DNTT: variants seen among roughly 807,000 people sequenced by gnomAD.
DNTT encodes the protein nucleosidetriphosphate:DNA deoxynucleotidylexotransferase.
DNTT carries 47 observed loss-of-function variants against 60.9 expected under a neutral mutation model. The ratio of observed to expected loss-of-function variants is 0.77; its 90% CI spans 0.61 to 0.98. The LOEUF (loss-of-function observed/expected upper bound fraction) is 0.98. Among genes scored for constraint, DNTT ranks in the 50% least tolerant of loss-of-function variants. The pLI is 0.00. For missense variants in DNTT, 665 were observed against 627.5 expected, an observed-to-expected ratio of 1.06 and a Z score of -0.64; for synonymous variants, 224 against 221.2, an observed-to-expected ratio of 1.01 and a Z score of -0.11.
intron 1 of DNTT, among the ~76,000 whole-genome samples, chr10:96,305,090 A>G (rs1001387609): frequency 2.0e-5 from 3 of 152,192 alleles, no homozygotes; most frequent in African/African-American, 7.2e-5. Context: ...ATGCAGAAAG[A>G]TGATTTGGTT....
At chr10:96,337,992 G>T in intron 10 of DNTT, 146 bp from the exon 11 acceptor site, 1 of 609,510 alleles carries the variant, frequency 1.6e-6, no homozygotes, top group Non-Finnish European at 2.7e-6. Flanking sequence ...CAGTTAAAAT[G>T]ACTTTTTATA....
chr10:96,330,286 A>T (rs1923708), intron 8 of DNTT, among the ~76,000 whole-genome samples: 110,291 of 150,592 alleles, frequency 0.73, 43,891 homozygotes, highest in East Asian at 0.92. Context: ...ACCAAGTGAC[A>T]GTTTACTGTT....
At chr10:96,327,858 G>A (rs79027568) in intron 7 of DNTT, among the ~76,000 whole-genome samples, 1,953 of 152,252 alleles carry the variant, frequency 0.013, 30 homozygotes, top group South Asian at 0.067. Flanking sequence ...ATTGTCGCTT[G>A]GCTGACTTCC....
At chr10:96,309,618 C>T (rs1039724742) in intron 1 of DNTT, among the ~76,000 whole-genome samples, 2 of 152,092 alleles carry the variant, frequency 1.3e-5, no homozygotes, top group African/African-American at 4.8e-5. Flanking sequence ...ACTCATTATC[C>T]CAAAACCATC....
chr10:96,319,197 T>C (rs892973513), intron 2 of DNTT, 65 bp from the exon 3 acceptor site: 19 of 1,538,802 alleles, frequency 1.2e-5, no homozygotes, highest in Non-Finnish European at 1.6e-5. Flanking sequence ...TTCCAAATTT[T>C]TTCCGTACAT....
intron 9 of DNTT, among the ~76,000 whole-genome samples, chr10:96,333,819 C>T (rs1046882942): frequency 6.6e-6 from 1 of 152,068 alleles, no homozygotes; most frequent in African/African-American, 2.4e-5. Flanking sequence ...TTAGCAGAGG[C>T]TGGGGGATGA....
At chr10:96,329,921 C>T (rs999221680) in intron 8 of DNTT, among the ~76,000 whole-genome samples, 2 of 152,132 alleles carry the variant, frequency 1.3e-5, no homozygotes, top group Non-Finnish European at 2.9e-5. Flanking sequence ...TGAGAACTGG[C>T]CGCTCTGTAC....
intron 6 of DNTT, among the ~76,000 whole-genome samples, chr10:96,327,014 T>C (rs532196818): frequency 6.6e-6 from 1 of 152,334 alleles, no homozygotes; most frequent in South Asian, 2.1e-4. Context: ...CCTAAGATAT[T>C]TCCTGCCTTG....
chr10:96,316,104 C>A (rs967827579), intron 1 of DNTT, among the ~76,000 whole-genome samples: 5 of 152,174 alleles, frequency 3.3e-5, no homozygotes, highest in African/African-American at 1.2e-4. Context: ...TCAAATGCGG[C>A]ATGCCTGAAA....
Position 96,320,825 on chromosome 10 carries a change from G to T in DNTT, c.678+37G>T, listed in dbSNP as rs778016339. 3.1e-6 allele frequency: 5 copies of T among 1,609,098 alleles called. No homozygotes were observed. In the African/African-American group the frequency reaches 4.0e-5, roughly 13 times the overall value. ...ATGGGATTTGTCCCACTTCCCAATA[G>T]GTAGGTGGGAACGGGGGAGAGAGGG... On this transcript the variant is annotated intron_variant, in intron 4 of 10. Coordinates refer to ENST00000371174, the MANE Select transcript of DNTT (RefSeq NM_004088.4).
chr10:96,337,176 C>T (rs1378274567), intron 10 of DNTT, among the ~76,000 whole-genome samples: 1 of 152,160 alleles, frequency 6.6e-6, no homozygotes, highest in Non-Finnish European at 1.5e-5. Context: ...CAGGTTTCCC[C>T]ATAAGTCCCA....
At chr10:96,312,999 C>T (rs536565543) in intron 1 of DNTT, among the ~76,000 whole-genome samples, 1 of 152,282 alleles carries the variant, frequency 6.6e-6, no homozygotes, top group South Asian at 2.1e-4. Context: ...TGTCCCTGCT[C>T]TCAGGGACAC....
rs746323407 is a variant in DNTT, at chr10:96,324,294, T to C, written c.779T>C (p.Leu260Pro). The stretch of plus-strand genomic sequence containing the variant: ...TTTACTTCTGTATTTGGAGTGGGGC[T>C]GAAGACTTCTGAGAAGTGGTTCAGG... ...KLFTSVFGVG[L>P]KTSEKWFRMG... is the part of the protein sequence containing the mutation. Residue 260 changes from leucine (L) to proline (P), a missense_variant, in exon 6 of 11, where the codon CTG becomes CCG. Transcript: ENST00000371174. The C allele has an allele frequency of 5.0e-6, 8 of 1,613,830 alleles. No homozygotes were observed. Among genetic ancestry groups the C allele is most frequent in the Non-Finnish European group, 6.8e-6 (8 of 1,179,762 alleles).
chr10:96,335,434 G>A (rs1845055692), intron 9 of DNTT, among the ~76,000 whole-genome samples: 2 of 152,196 alleles, frequency 1.3e-5, no homozygotes, highest in Non-Finnish European at 2.9e-5. Context: ...GACTTGACAG[G>A]AGATGCACAG....
intron 2 of DNTT, 76 bp downstream of exon 2, chr10:96,318,602 G>T (rs1844821704): frequency 1.5e-5 from 23 of 1,523,092 alleles, no homozygotes; most frequent in Admixed American, 6.1e-5. Flanking sequence ...AACGGAGCTG[G>T]GGTAAACCCT....
chr10:96,328,157 C>T lies in DNTT; in HGVS notation c.1007+557C>T, dbSNP rs557292999. 4.4e-4 allele frequency among the ~76,000 whole-genome samples: 67 copies of T among 152,290 alleles called. 1 individual carries two copies. The East Asian group carries it at 4.4e-3, about 10-fold the overall frequency. ...CTGAATGAATTCATGAATGAGTGAA[C>T]GCTTCACAAGGATGTATGTTGTTGT... On this transcript the variant is annotated intron_variant, in intron 7 of 10. Transcript: ENST00000371174.
At chr10:96,328,869 T>G (rs2133993320) in intron 8 of DNTT, 39 bp downstream of exon 8, 1 of 1,582,428 alleles carries the variant, frequency 6.3e-7, no homozygotes, top group East Asian at 2.2e-5. Flanking sequence ...CACGCAAACA[T>G]TATGTTAACA....
chr10:96,319,952 A>T (rs1272308389), intron 3 of DNTT, among the ~76,000 whole-genome samples: 1 of 152,216 alleles, frequency 6.6e-6, no homozygotes, highest in African/African-American at 2.4e-5. Context: ...CCTAAAACCC[A>T]CAACTGCTTG....
At chr10:96,307,686 T>C (rs1424128786) in intron 1 of DNTT, among the ~76,000 whole-genome samples, 1 of 66,656 alleles carries the variant, frequency 1.5e-5, no homozygotes, top group South Asian at 5.9e-4. Context: ...CATATATATA[T>C]GTATGTGTGT....
Sources: gnomAD v4.1 joint callset for allele counts (sites outside exome capture counted in the v4.1 genomes callset) on GRCh38, gnomAD v4.1.1 for gene constraint, MANE v1.5 for transcripts, NCBI Gene and HGNC (gene_info 2026-07-23, HGNC 2026-07-21) for gene names.